Variants in RHBDD1 observed in about 807,000 individuals in gnomAD.
The protein encoded by RHBDD1 is rhomboid-related protein 4.
A neutral mutation model predicts 36.3 loss-of-function variants in RHBDD1; 38 were observed. The observed-to-expected ratio is 1.05, with a 90% confidence interval of 0.81 to 1.37. The LOEUF is 1.37. Among genes scored for constraint, RHBDD1 ranks in the 40% most tolerant of loss-of-function variants. RHBDD1 has a pLI of 0.00. For missense variants in RHBDD1, 393 were observed against 377.6 expected, an observed-to-expected ratio of 1.04 and a Z score of -0.34; for synonymous variants, 151 against 136.5, an observed-to-expected ratio of 1.11 and a Z score of -0.74.
intron 8 of RHBDD1, among the ~76,000 whole-genome samples, chr2:226,937,019 A>C (rs1354949031): frequency 1.3e-5 from 2 of 152,156 alleles, no homozygotes; most frequent in Non-Finnish European, 2.9e-5. Context: ...AAGAATTTAC[A>C]GAAAACGAAG....
chr2:226,967,857 A>G (rs796239338), intron 8 of RHBDD1, among the ~76,000 whole-genome samples: 8 of 152,168 alleles, frequency 5.3e-5, no homozygotes, highest in South Asian at 2.1e-4. Flanking sequence ...GGGCCCAGGA[A>G]TGTTAAATAC....
intron 3 of RHBDD1, among the ~76,000 whole-genome samples, chr2:226,847,012 A>C (rs1045640456): frequency 1.3e-5 from 2 of 152,198 alleles, no homozygotes; most frequent in African/African-American, 4.8e-5. Context: ...TTAACTGCAC[A>C]TGTGGATAGG....
intron 6 of RHBDD1, chr2:226,907,160 C>G: frequency 2.0e-6 from 1 of 500,538 alleles, no homozygotes. Flanking sequence ...CAGAAAACCA[C>G]GATTTCCTAA....
intron 1 of RHBDD1, among the ~76,000 whole-genome samples, chr2:226,836,583 C>T (rs1940991525): frequency 6.6e-6 from 1 of 152,158 alleles, no homozygotes. Context: ...CTGTCCAACC[C>T]CTAAAAACCT....
chr2:226,835,037 A>C (rs1940850861), upstream of RHBDD1, among the ~76,000 whole-genome samples: 1 of 152,050 alleles, frequency 6.6e-6, no homozygotes, highest in Non-Finnish European at 1.5e-5. Flanking sequence ...TAGCCTCCCA[A>C]AGTGCTGGGA....
At chr2:226,895,696 A>C (rs1226570347) in intron 5 of RHBDD1, 1 of 985,052 alleles carries the variant, frequency 1.0e-6, no homozygotes, top group Non-Finnish European at 1.2e-6. Context: ...GATCCTAAAG[A>C]AGCTTAGTAA....
intron 3 of RHBDD1, among the ~76,000 whole-genome samples, chr2:226,845,854 A>G (rs1942158022): frequency 6.6e-6 from 1 of 152,226 alleles, no homozygotes; most frequent in Non-Finnish European, 1.5e-5. Flanking sequence ...GATCTGTGTA[A>G]ATTAATTATA....
At chr2:226,988,272 C>G in intron 8 of RHBDD1, 3 of 1,490,874 alleles carry the variant, frequency 2.0e-6, no homozygotes, top group Non-Finnish European at 2.7e-6. Flanking sequence ...CCTGAGGAGG[C>G]CACTGTAAGT....
At chr2:226,913,922 G>A (rs1462138952) in intron 7 of RHBDD1, among the ~76,000 whole-genome samples, 5 of 152,126 alleles carry the variant, frequency 3.3e-5, no homozygotes, top group African/African-American at 9.7e-5. Context: ...CACTCCATAT[G>A]TCAATAGCTC....
the RHBDD1 span, among the ~76,000 whole-genome samples, chr2:226,812,537 T>G: frequency 6.6e-6 from 1 of 152,224 alleles, no homozygotes; most frequent in Non-Finnish European, 1.5e-5. Flanking sequence ...GAAATACGCA[T>G]AGCCGTGGAA....
chr2:226,913,142 G>A (rs1948638803), intron 7 of RHBDD1, among the ~76,000 whole-genome samples: 1 of 152,040 alleles, frequency 6.6e-6, no homozygotes, highest in Admixed American at 6.6e-5. Flanking sequence ...TTCCTCTTTT[G>A]GCTGGATTGT....
chr2:226,942,141 A>G (rs965421503), intron 8 of RHBDD1, among the ~76,000 whole-genome samples: 1 of 152,044 alleles, frequency 6.6e-6, no homozygotes, highest in African/African-American at 2.4e-5. Flanking sequence ...AGAGATTAAC[A>G]TGGTTTTCTT....
intron 3 of RHBDD1, among the ~76,000 whole-genome samples, chr2:226,853,477 C>T (rs549740644): frequency 3.3e-5 from 5 of 152,202 alleles, no homozygotes; most frequent in African/African-American, 4.8e-5. Flanking sequence ...ATAGGGGTCT[C>T]GCAAGGGTCA....
At chr2:226,960,498 A>T (rs1353679947) in intron 8 of RHBDD1, among the ~76,000 whole-genome samples, 1 of 152,182 alleles carries the variant, frequency 6.6e-6, no homozygotes, top group Non-Finnish European at 1.5e-5. Context: ...TTAACTGGGC[A>T]TGTTTGTGAA....
intron 3 of RHBDD1, among the ~76,000 whole-genome samples, chr2:226,848,800 C>T (rs562981664): frequency 1.3e-5 from 2 of 151,970 alleles, no homozygotes; most frequent in Non-Finnish European, 2.9e-5. Context: ...CCTTGGGAGC[C>T]GATTATTTTG....
chr2:226,954,920 A>T (rs1575233988), intron 8 of RHBDD1, among the ~76,000 whole-genome samples: 1 of 151,646 alleles, frequency 6.6e-6, no homozygotes, highest in South Asian at 2.1e-4. Context: ...GTATGGCGGG[A>T]TGTGTTAGGG....
At chr2:226,891,258 A>G (rs1946659062) in intron 5 of RHBDD1, among the ~76,000 whole-genome samples, 1 of 152,054 alleles carries the variant, frequency 6.6e-6, no homozygotes, top group Non-Finnish European at 1.5e-5. Flanking sequence ...GAGGAATTCA[A>G]TTCCTTCTGT....
At chr2:226,921,722 CAACTTTTTAATAT>C (rs1283550842) in intron 8 of RHBDD1, among the ~76,000 whole-genome samples, 1 of 151,940 alleles carries the variant, frequency 6.6e-6, no homozygotes, top group Non-Finnish European at 1.5e-5. Context: ...CAGTTTTTTT[CAACTTTTTAATAT>C]ACTTTTTTGT....
chr2:226,928,438 A>G (rs914057046), intron 8 of RHBDD1, among the ~76,000 whole-genome samples: 1 of 152,102 alleles, frequency 6.6e-6, no homozygotes, highest in Non-Finnish European at 1.5e-5. Flanking sequence ...TGGAAATTAA[A>G]TAATTCTTCA....
Sources: gnomAD v4.1 joint callset for allele counts (sites outside exome capture counted in the v4.1 genomes callset) on GRCh38, gnomAD v4.1.1 for gene constraint, MANE v1.5 for transcripts, NCBI Gene and HGNC (gene_info 2026-07-23, HGNC 2026-07-21) for gene names.